RELCH: variants seen among roughly 807,000 people sequenced by gnomAD.
The protein encoded by RELCH is RAB11 binding and LisH domain, coiled-coil and HEAT repeat containing, also known as RAB11-binding protein RELCH.
In RELCH, 41 loss-of-function variants were observed where a neutral mutation model predicts 150.3. The observed-to-expected ratio is 0.27, with a 90% confidence interval of 0.21 to 0.35. The LOEUF is 0.35. Ranked by LOEUF, RELCH falls within the 10% of genes least tolerant of loss-of-function variation. The pLI, the probability that RELCH is intolerant of heterozygous loss-of-function variation, is 1.00. For synonymous variants in RELCH, 478 were observed against 531.8 expected (o/e 0.90, Z 1.39); for missense variants, 1,092 against 1,467.8 (o/e 0.74, Z 4.18).
chr18:62,284,914 CT>C (rs1040349615), intron 25 of RELCH, among the ~76,000 whole-genome samples: 2 of 148,876 alleles, frequency 1.3e-5, no homozygotes, highest in Admixed American at 1.3e-4. Context: ...AGCTATTTTA[CT>C]TAGTAAGACT....
intron 1 of RELCH, among the ~76,000 whole-genome samples, chr18:62,204,660 CA>C (rs2039670270): frequency 6.6e-6 from 1 of 152,146 alleles, no homozygotes; most frequent in Admixed American, 6.5e-5. Context: ...AGTTATTTAC[CA>C]AGGCAGACGT....
At chr18:62,296,586 CA>C (rs202102443) in intron 27 of RELCH, among the ~76,000 whole-genome samples, 2,619 of 143,712 alleles carry the variant, frequency 0.018, 82 homozygotes, top group East Asian at 0.13. Flanking sequence ...AACTCCATCT[CA>C]AAAAAAAAAA....
intron 11 of RELCH, among the ~76,000 whole-genome samples, chr18:62,245,091 C>G (rs559657284): frequency 1.3e-5 from 2 of 152,198 alleles, no homozygotes; most frequent in African/African-American, 4.8e-5. Flanking sequence ...CATCAGGTTC[C>G]CTTTCCTCCT....
At chr18:62,199,147 T>C (rs181004955) in intron 1 of RELCH, among the ~76,000 whole-genome samples, 1 of 152,022 alleles carries the variant, frequency 6.6e-6, no homozygotes, top group Admixed American at 6.5e-5. Flanking sequence ...CTGTCTTCCA[T>C]ATTTCTTCTA....
chr18:62,298,598 T>C (rs1385827448), intron 27 of RELCH, among the ~76,000 whole-genome samples, 192 bp from the exon 28 acceptor site: 2 of 152,172 alleles, frequency 1.3e-5, no homozygotes, highest in East Asian at 3.8e-4. Context: ...GTTATATGAT[T>C]GAGATTTTTT....
At position 62,232,403 on chromosome 18, in the gene RELCH, C is replaced by T. The variant is rs2041638216; in HGVS notation, c.1596C>T (p.Pro532=). ...GACGCTGCCTGCCACACATTGTTCCCAATGTGCTATTGGCAAAGAGAGAGG... is the reference window on the plus strand; with the variant it reads ...GACGCTGCCTGCCACACATTGTTCCTAATGTGCTATTGGCAAAGAGAGAGG... The part of the protein sequence containing the change: ...MLGRCLPHIV[P]NVLLAKREEL... The change falls in exon 10 of 29, where the codon CCC becomes CCT. Residue 532 remains proline, a synonymous_variant. Transcript: ENST00000644646. The T allele has an allele frequency of 3.1e-6, 5 of 1,609,540 alleles. No individual in the cohort carries two copies. Among genetic ancestry groups the T allele is most frequent in the Non-Finnish European group, 4.2e-6 (5 of 1,176,758 alleles).
rs2038171039 is a variant in RELCH, at chr18:62,187,334, A to G, written c.-172A>G. The G allele has an allele frequency of 5.8e-6, 3 of 519,216 alleles. No homozygotes were observed. The highest frequency in any genetic ancestry group is 9.8e-6 in the Non-Finnish European group (3 of 306,544). 32.2% of individuals were successfully genotyped at this position (519,216 alleles called of 1,614,324 possible). On this transcript the variant is annotated 5_prime_UTR_variant, in exon 1 of 29. Coordinates refer to ENST00000644646, the MANE Select transcript of RELCH (RefSeq NM_001346231.2). Reference sequence around the variant, plus strand: ...CAGCAGAGGCTGAGGCATCAGGTGCAGCTGCATCCGGATCTCCTGCCTTGG... The same window carrying G: ...CAGCAGAGGCTGAGGCATCAGGTGCGGCTGCATCCGGATCTCCTGCCTTGG...
intron 8 of RELCH, among the ~76,000 whole-genome samples, chr18:62,229,278 A>G (rs1012102241): frequency 6.6e-6 from 1 of 152,092 alleles, no homozygotes; most frequent in Non-Finnish European, 1.5e-5. Context: ...AATTCTTACA[A>G]ATATCCTATG....
chr18:62,222,810 A>G (rs1305200801), intron 5 of RELCH, among the ~76,000 whole-genome samples: 7 of 152,090 alleles, frequency 4.6e-5, no homozygotes, highest in Admixed American at 4.6e-4. Context: ...AAGTTAGACC[A>G]TATTATGGGT....
intron 11 of RELCH, among the ~76,000 whole-genome samples, 198 bp downstream of exon 11, chr18:62,245,074 A>G (rs995552502): frequency 1.3e-5 from 2 of 152,120 alleles, no homozygotes; most frequent in Non-Finnish European, 2.9e-5. Flanking sequence ...TCAAACTATA[A>G]TGTCATCATC....
At chr18:62,208,055 C>G (rs1029726019) in intron 1 of RELCH, among the ~76,000 whole-genome samples, 4 of 152,164 alleles carry the variant, frequency 2.6e-5, no homozygotes, top group Non-Finnish European at 5.9e-5. Flanking sequence ...ACATCTTCTG[C>G]AACTTACCAT....
At chr18:62,284,882 C>T (rs991007139) in intron 25 of RELCH, among the ~76,000 whole-genome samples, 1 of 151,994 alleles carries the variant, frequency 6.6e-6, no homozygotes, top group African/African-American at 2.4e-5. Context: ...TCTGGAACAC[C>T]GTAGAGTTGT....
intron 15 of RELCH, among the ~76,000 whole-genome samples, chr18:62,259,302 A>C (rs2043141848): frequency 6.6e-6 from 1 of 151,958 alleles, no homozygotes; most frequent in African/African-American, 2.4e-5. Context: ...TATAGCATGA[A>C]ATGCTGCTGG....
intron 22 of RELCH, among the ~76,000 whole-genome samples, chr18:62,276,121 G>C (rs1045869997): frequency 6.6e-6 from 1 of 152,138 alleles, no homozygotes; most frequent in African/African-American, 2.4e-5. Context: ...TGTAGGTGGG[G>C]AGCAGTGAGG....
At chr18:62,263,835 G>T (rs1232502564) in intron 16 of RELCH, among the ~76,000 whole-genome samples, 154 bp from the exon 17 acceptor site, 4 of 151,948 alleles carry the variant, frequency 2.6e-5, no homozygotes, top group Non-Finnish European at 5.9e-5. Flanking sequence ...TCCTAAAAAT[G>T]ACTTAATTAG....
intron 28 of RELCH, among the ~76,000 whole-genome samples, chr18:62,304,896 T>C (rs568993444): frequency 6.6e-6 from 1 of 152,350 alleles, no homozygotes; most frequent in South Asian, 2.1e-4. Flanking sequence ...GAATATACCA[T>C]AGGATTATTA....
At chr18:62,248,374 G>C (rs1220385496) in intron 11 of RELCH, among the ~76,000 whole-genome samples, 1 of 152,100 alleles carries the variant, frequency 6.6e-6, no homozygotes, top group Non-Finnish European at 1.5e-5. Flanking sequence ...TTAAATCCCA[G>C]TTTCTCTTTA....
Position 62,187,409 on chromosome 18 carries a change from G to C in RELCH, c.-97G>C. On this transcript the variant is annotated 5_prime_UTR_variant, in exon 1 of 29. Transcript: ENST00000644646. ...GGAGGCAGGACGTGGTCAGGCCGGG[G>C]CTGTGGAGGTGCGCTGTGTCCCCTG... 1.7e-6 allele frequency: 2 copies of C among 1,205,110 alleles called. No homozygotes were observed. Among genetic ancestry groups the C allele is most frequent in the South Asian group, 4.0e-5 (2 of 50,226 alleles). 74.7% of individuals were successfully genotyped at this position (1,205,110 alleles called of 1,614,324 possible).
intron 22 of RELCH, among the ~76,000 whole-genome samples, chr18:62,279,335 A>G (rs2980980): frequency 0.42 from 64,479 of 152,038 alleles, 14,281 homozygotes; most frequent in East Asian, 0.78. Flanking sequence ...TTTAGTGGTG[A>G]CTGCTACTCC....
Sources: gnomAD v4.1 joint callset for allele counts (sites outside exome capture counted in the v4.1 genomes callset) on GRCh38, gnomAD v4.1.1 for gene constraint, MANE v1.5 for transcripts, NCBI Gene and HGNC (gene_info 2026-07-23, HGNC 2026-07-21) for gene names.